PCDH11X: variants seen among roughly 807,000 people sequenced by gnomAD.
PCDH11X encodes the protein protocadherin 11 X-linked.
Under a neutral mutation model 53.3 loss-of-function variants are expected in PCDH11X, and 18 were observed. That is an observed-to-expected ratio of 0.34 (90% CI 0.23 to 0.50). The LOEUF (loss-of-function observed/expected upper bound fraction) is 0.50. Ranked by LOEUF, PCDH11X falls within the 20% of genes least tolerant of loss-of-function variation. The pLI is 0.98. For synonymous variants in PCDH11X, 279 were observed against 393.3 expected, an observed-to-expected ratio of 0.71 and a Z score of 3.44; for missense variants, 570 against 1,032.4, an observed-to-expected ratio of 0.55 and a Z score of 6.14.
chrX:92,132,120 A>G (rs912819304), intron 6 of PCDH11X, among the ~76,000 whole-genome samples: 6 of 99,180 alleles, frequency 6.0e-5, no homozygotes, highest in Admixed American at 1.1e-4. Context: ...AAAAATACAA[A>G]AAAAAAAAAA....
chrX:92,139,178 T>C (rs1011658387), intron 6 of PCDH11X, among the ~76,000 whole-genome samples: 2 of 108,780 alleles, frequency 1.8e-5, no homozygotes, highest in African/African-American at 6.7e-5. Flanking sequence ...AAATACCTGG[T>C]ATTATCTACA....
intron 5 of PCDH11X, among the ~76,000 whole-genome samples, chrX:91,876,060 T>C (rs1602407475): frequency 1.8e-5 from 2 of 111,857 alleles, no homozygotes. Flanking sequence ...CTTGCAAAAA[T>C]TTAGTGACAA....
intron 10 of PCDH11X, among the ~76,000 whole-genome samples, chrX:92,598,472 G>GA (rs1210989947): frequency 9.2e-6 from 1 of 109,271 alleles, no homozygotes; most frequent in Non-Finnish European, 1.9e-5. Context: ...TTGATTATCA[G>GA]ATAAATGCAA....
At chrX:92,411,241 A>G (rs1433868094) in intron 9 of PCDH11X, among the ~76,000 whole-genome samples, 1 of 110,694 alleles carries the variant, frequency 9.0e-6, no homozygotes, top group Non-Finnish European at 1.9e-5. Context: ...AGGTTGAATA[A>G]ATTGGCTAAC....
chrX:91,987,083 G>T (rs2062238869), intron 6 of PCDH11X, among the ~76,000 whole-genome samples: 1 of 110,975 alleles, frequency 9.0e-6, no homozygotes, highest in South Asian at 3.9e-4. Flanking sequence ...CAAAAGGAAT[G>T]ATTTAACATT....
chrX:92,379,818 C>T (rs1406278306), intron 8 of PCDH11X, among the ~76,000 whole-genome samples: 2 of 109,487 alleles, frequency 1.8e-5, no homozygotes, highest in Admixed American at 9.7e-5. Context: ...CTACCCACTC[C>T]GTGTCTTCTG....
intron 7 of PCDH11X, among the ~76,000 whole-genome samples, chrX:92,203,328 T>C (rs977301392): frequency 1.1e-3 from 122 of 112,941 alleles, no homozygotes; most frequent in African/African-American, 3.8e-3. Context: ...ATGGAAGCCA[T>C]GCATTCTGCA....
intron 6 of PCDH11X, among the ~76,000 whole-genome samples, chrX:92,089,654 C>T (rs2064016337): frequency 9.5e-6 from 1 of 105,371 alleles, no homozygotes; most frequent in African/African-American, 3.4e-5. Flanking sequence ...TCCCAAGTAG[C>T]TGGGATTACA....
In PCDH11X at chrX:92,132,117, C is replaced by CA. The variant is rs1213410170; in HGVS notation, c.3034-69240dup. Among the ~76,000 whole-genome samples, 393 of 41,083 alleles carry CA rather than the reference C, an allele frequency of 9.6e-3. 6 individuals are homozygous for CA. The highest frequency in any genetic ancestry group is 0.025 in the South Asian group (24 of 955). 35.7% of individuals were successfully genotyped at this position (41,083 alleles called of 115,157 possible). ...TGAAACCCCGTCTCTACTAAAAATA[C>CA]AAAAAAAAAAAAAAAAAATTAGCTG... On this transcript the variant is annotated intron_variant, in intron 6 of 10. Coordinates refer to ENST00000682573, the MANE Select transcript of PCDH11X (RefSeq NM_032968.5).
At chrX:92,580,690 A>G (rs981450478) in intron 10 of PCDH11X, among the ~76,000 whole-genome samples, 3 of 111,925 alleles carry the variant, frequency 2.7e-5, no homozygotes, top group African/African-American at 9.8e-5. Flanking sequence ...GCCACTGGCC[A>G]CAACCCAAGT....
intron 7 of PCDH11X, among the ~76,000 whole-genome samples, chrX:92,254,953 C>T (rs1366911000): frequency 3.2e-5 from 3 of 92,798 alleles, no homozygotes; most frequent in Admixed American, 1.2e-4. Context: ...ATCTTTGTGG[C>T]GTTCTCTGTA....
intron 6 of PCDH11X, among the ~76,000 whole-genome samples, chrX:91,918,118 G>A (rs1031222179): frequency 2.8e-5 from 3 of 105,686 alleles, no homozygotes; most frequent in Non-Finnish European, 3.9e-5. Flanking sequence ...TGGAAGTTGC[G>A]TAATAAATTA....
intron 6 of PCDH11X, among the ~76,000 whole-genome samples, chrX:92,134,090 C>T (rs1422952767): frequency 3.6e-5 from 4 of 111,161 alleles, no homozygotes; most frequent in Admixed American, 1.9e-4. Flanking sequence ...TAGCATTTCA[C>T]GGAATGCACA....
intron 6 of PCDH11X, among the ~76,000 whole-genome samples, chrX:92,103,165 G>A (rs1006631866): frequency 1.1e-4 from 12 of 110,860 alleles, no homozygotes; most frequent in African/African-American, 3.9e-4. Flanking sequence ...AGATGTGGCT[G>A]TAGTCCAGGA....
chrX:91,830,117 T>G (rs1236856886), intron 4 of PCDH11X, among the ~76,000 whole-genome samples: 1 of 111,302 alleles, frequency 9.0e-6, no homozygotes, highest in East Asian at 2.8e-4. Context: ...TCCAGAAAAA[T>G]TAATATAGAA....
chrX:92,279,607 G>T, intron 8 of PCDH11X, among the ~76,000 whole-genome samples: 1 of 112,476 alleles, frequency 8.9e-6, no homozygotes, highest in Non-Finnish European at 1.9e-5. Context: ...CTTATATAAA[G>T]TTGGTTGGGC....
At chrX:92,256,121 G>A (rs1023920869) in intron 7 of PCDH11X, among the ~76,000 whole-genome samples, 1 of 111,925 alleles carries the variant, frequency 8.9e-6, no homozygotes, top group Non-Finnish European at 1.9e-5. Context: ...CCAGGTGGGG[G>A]ATATAATCTT....
chrX:92,238,786 A>G (rs1272775353), intron 7 of PCDH11X, among the ~76,000 whole-genome samples: 7 of 111,688 alleles, frequency 6.3e-5, no homozygotes, highest in African/African-American at 2.3e-4. Context: ...TCAATAAACT[A>G]TATCTTAATT....
chrX:92,323,569 A>C (rs2069260404), intron 8 of PCDH11X, among the ~76,000 whole-genome samples: 1 of 109,447 alleles, frequency 9.1e-6, no homozygotes. Context: ...TTTTTAATTT[A>C]ATTTAATTTT....
Sources: gnomAD v4.1 joint callset for allele counts (sites outside exome capture counted in the v4.1 genomes callset) on GRCh38, gnomAD v4.1.1 for gene constraint, MANE v1.5 for transcripts, NCBI Gene and HGNC (gene_info 2026-07-23, HGNC 2026-07-21) for gene names.